The following DLC1 variants were observed in gnomAD, a reference collection of about 807,000 sequenced individuals.
DLC1 encodes rho GTPase-activating protein 7.
Under a neutral mutation model 140.3 loss-of-function variants are expected in DLC1, and 54 were observed. The ratio of observed to expected loss-of-function variants is 0.38; its 90% CI spans 0.31 to 0.48. The LOEUF is 0.48. Among genes scored for constraint, DLC1 ranks in the 20% least tolerant of loss-of-function variants. The probability of loss-of-function intolerance (pLI) is 0.96; values close to 1 mark genes in which losing one functional copy is unlikely to be tolerated. For missense variants in DLC1, 2,536 were observed against 1,907.0 expected, an observed-to-expected ratio of 1.33 and a Z score of -6.14; for synonymous variants, 986 against 728.1, an observed-to-expected ratio of 1.35 and a Z score of -5.70.
intron 4 of DLC1, among the ~76,000 whole-genome samples, chr8:13,316,962 C>G (rs937165335): frequency 2.8e-4 from 43 of 152,092 alleles, no homozygotes; most frequent in African/African-American, 1.0e-3. Context: ...TATGAATGAG[C>G]ATTGAAATTT....
rs747219053 is a variant in DLC1 at position 13,499,488 on chromosome 8, T to A, written c.584A>T (p.Asn195Ile). 8 of 1,614,168 alleles carry A rather than the reference T, an allele frequency of 5.0e-6. No individual in the cohort carries two copies. In the South Asian group the frequency reaches 7.7e-5, roughly 16 times the overall value. ...TTTTATTTCACTTAAGCTTATTTCA[T>A]TGCAAAGCTCCAGGCTTTTACTTAT... The part of the protein sequence containing the change: ...DSISKSLELC[N>I]EISLSEIKDA... The change falls in exon 2 of 18, where the codon AAT (asparagine) becomes ATT (isoleucine). Residue 195 changes from asparagine (N) to isoleucine (I), a missense_variant. Physicochemically the swap from Asn to Ile is moderately radical, Grantham distance 149. Coordinates refer to ENST00000276297, the MANE Select transcript of DLC1 (RefSeq NM_182643.3).
At chr8:13,179,633 ATTGC>A (rs1326400151) in intron 5 of DLC1, among the ~76,000 whole-genome samples, 1 of 151,966 alleles carries the variant, frequency 6.6e-6, no homozygotes, top group Non-Finnish European at 1.5e-5. Flanking sequence ...AGGTAGGAGG[ATTGC>A]TTGAGCCCAG....
At chr8:13,519,068 T>C (rs1802683475), upstream of DLC1, among the ~76,000 whole-genome samples, 1 of 152,172 alleles carries the variant, frequency 6.6e-6, no homozygotes, top group Non-Finnish European at 1.5e-5. Context: ...TGTATACATG[T>C]GCCATGTTGG....
intron 10 of DLC1, among the ~76,000 whole-genome samples, chr8:13,098,140 G>C (rs142630839): frequency 6.7e-6 from 1 of 149,856 alleles, no homozygotes; most frequent in Non-Finnish European, 1.5e-5. Context: ...TGGGAGAATC[G>C]CTAGAGCCCA....
chr8:13,155,541 A>T (rs1824191669), intron 5 of DLC1, among the ~76,000 whole-genome samples: 1 of 152,144 alleles, frequency 6.6e-6, no homozygotes, highest in South Asian at 2.1e-4. Flanking sequence ...AAGTTAATTA[A>T]TAAAATATTG....
chr8:13,107,698 TACA>T (rs1383856309), intron 7 of DLC1, among the ~76,000 whole-genome samples: 11 of 152,170 alleles, frequency 7.2e-5, no homozygotes, highest in Non-Finnish European at 1.2e-4. Context: ...ACATAATCAG[TACA>T]ACAACTATCT....
chr8:13,411,124 A>G (rs1837762273), intron 2 of DLC1, among the ~76,000 whole-genome samples: 1 of 152,220 alleles, frequency 6.6e-6, no homozygotes, highest in Non-Finnish European at 1.5e-5. Flanking sequence ...ACAGATGTTT[A>G]TAGCAACTTT....
intron 5 of DLC1, among the ~76,000 whole-genome samples, chr8:13,284,425 G>A (rs1831471733): frequency 6.6e-6 from 1 of 152,076 alleles, no homozygotes; most frequent in African/African-American, 2.4e-5. Context: ...TACTCAGAAG[G>A]CTGAGGTAGG....
intron 2 of DLC1, among the ~76,000 whole-genome samples, chr8:13,424,542 G>A (rs899571702): frequency 5.3e-5 from 8 of 152,004 alleles, no homozygotes; most frequent in African/African-American, 1.4e-4. Context: ...TTTGCCTTAA[G>A]ATCTTCCTTG....
chr8:13,170,724 C>T (rs1585831941), intron 5 of DLC1, among the ~76,000 whole-genome samples: 1 of 123,234 alleles, frequency 8.1e-6, no homozygotes. Context: ...AGCAAGACTC[C>T]ATCTCAAAAA....
At chr8:13,416,965 G>A (rs190158973) in intron 2 of DLC1, among the ~76,000 whole-genome samples, 5 of 151,972 alleles carry the variant, frequency 3.3e-5, no homozygotes, top group Admixed American at 6.6e-5. Context: ...TAAAGTACTC[G>A]TATTGTGCTG....
chr8:13,395,027 TATCTATC>T (rs201629657), intron 3 of DLC1, among the ~76,000 whole-genome samples: 1,279 of 90,200 alleles, frequency 0.014, 9 homozygotes, highest in Admixed American at 0.038. Context: ...TCTATCTATC[TATCTATC>T]ATCTATCTAT....
intron 1 of DLC1, among the ~76,000 whole-genome samples, chr8:13,521,106 A>G (rs1304353777): frequency 7.2e-5 from 11 of 152,188 alleles, no homozygotes; most frequent in Non-Finnish European, 1.6e-4. Flanking sequence ...TTGCAGGGAC[A>G]TGGATGGAGC....
rs370193247 is a variant in DLC1 at position 13,110,857 on chromosome 8, C to T, written c.1421-34G>A. On this transcript the variant is annotated intron_variant, in intron 6 of 17. Coordinates refer to ENST00000276297, the MANE Select transcript of DLC1 (RefSeq NM_182643.3). ...AAAATAAACAGATGTATTTGTTGAGCGCCTAAAACCCAATTTGCCAAATAG... is the reference window on the plus strand; with the variant it reads ...AAAATAAACAGATGTATTTGTTGAGTGCCTAAAACCCAATTTGCCAAATAG... 3.5e-4 allele frequency: 561 copies of T among 1,604,622 alleles called. 2 individuals are homozygous for T. In the South Asian group the frequency reaches 5.3e-3, roughly 15 times the overall value.
At chr8:13,372,754 C>A (rs1729166) in intron 4 of DLC1, among the ~76,000 whole-genome samples, 10,944 of 152,158 alleles carry the variant, frequency 0.072, 494 homozygotes, top group Non-Finnish European at 0.1. Flanking sequence ...TTAATATTTT[C>A]TTTAGCACAA....
At chr8:13,275,780 C>T (rs1831137850) in intron 5 of DLC1, among the ~76,000 whole-genome samples, 1 of 152,202 alleles carries the variant, frequency 6.6e-6, no homozygotes, top group Non-Finnish European at 1.5e-5. Context: ...TACCAGCAGG[C>T]TTTCACTGGG....
At chr8:13,263,172 A>C (rs1830533948) in intron 5 of DLC1, among the ~76,000 whole-genome samples, 1 of 152,170 alleles carries the variant, frequency 6.6e-6, no homozygotes, top group Non-Finnish European at 1.5e-5. Context: ...GTTCAAGGGA[A>C]TCTTTGGTCT....
At chr8:13,282,124 G>A (rs1831385421) in intron 5 of DLC1, among the ~76,000 whole-genome samples, 1 of 152,168 alleles carries the variant, frequency 6.6e-6, no homozygotes, top group Non-Finnish European at 1.5e-5. Context: ...GGGCTAGATG[G>A]TCTCATTCCA....
intron 5 of DLC1, among the ~76,000 whole-genome samples, chr8:13,260,940 G>A (rs983602561): frequency 6.6e-6 from 1 of 152,140 alleles, no homozygotes; most frequent in Non-Finnish European, 1.5e-5. Flanking sequence ...ACCATATAAT[G>A]TTAATATATG....
Sources: allele counts gnomAD v4.1 joint callset (sites outside exome capture counted in the v4.1 genomes callset), GRCh38; gene constraint gnomAD v4.1.1; transcripts MANE v1.5; gene names NCBI Gene and HGNC (gene_info 2026-07-23, HGNC 2026-07-21).